Variants in IMMT observed in about 807,000 individuals in gnomAD.
The protein encoded by IMMT is MICOS complex subunit MIC60.
In IMMT, 40 loss-of-function variants were observed where a neutral mutation model predicts 92.7. The observed-to-expected ratio is 0.43, with a 90% CI of 0.34 to 0.56. The LOEUF (loss-of-function observed/expected upper bound fraction) is 0.56. Among genes scored for constraint, IMMT ranks in the 20% least tolerant of loss-of-function variants. The probability of loss-of-function intolerance (pLI) is 0.03; values close to 1 mark genes in which losing one functional copy is unlikely to be tolerated. For missense variants in IMMT, 831 were observed against 912.1 expected (o/e 0.91, Z 1.14); for synonymous variants, 322 against 336.1 (o/e 0.96, Z 0.46).
chr2:86,160,448 C>T (rs967152402), intron 8 of IMMT, among the ~76,000 whole-genome samples: 6 of 152,138 alleles, frequency 3.9e-5, no homozygotes, highest in South Asian at 2.1e-4. Context: ...GGAGCCCTCA[C>T]GATTCAGAAT....
chr2:86,188,466 G>A (rs961953323), intron 1 of IMMT, among the ~76,000 whole-genome samples: 11 of 151,862 alleles, frequency 7.2e-5, no homozygotes, highest in African/African-American at 1.5e-4. Context: ...CTCTGTCACC[G>A]AGACTGGAGT....
At chr2:86,164,047 T>C (rs918104662) in intron 7 of IMMT, among the ~76,000 whole-genome samples, 2 of 129,772 alleles carry the variant, frequency 1.5e-5, no homozygotes, top group African/African-American at 2.7e-5. Context: ...ATTCCCACTT[T>C]AGTCATTTTT....
chr2:86,173,210 T>C (rs1677219133), intron 4 of IMMT, among the ~76,000 whole-genome samples: 1 of 152,192 alleles, frequency 6.6e-6, no homozygotes, highest in South Asian at 2.1e-4. Flanking sequence ...GGGTGACTGG[T>C]AGTTTCTGAA....
Position 86,177,363 on chromosome 2 carries a change from G to A in IMMT, c.309+2070C>T, listed in dbSNP as rs1677498328. ...CACGCCTGTAATCCCAGCACTTTGG[G>A]AGGCTGAGGTGGGCGGATCACCTGA... On this transcript the variant is annotated intron_variant, in intron 3 of 14. Coordinates refer to ENST00000410111, the MANE Select transcript of IMMT (RefSeq NM_006839.3). 2.0e-5 allele frequency among the ~76,000 whole-genome samples: 3 copies of A among 152,104 alleles called. No individual in the cohort carries two copies. The South Asian group carries it at 6.2e-4, about 32-fold the overall frequency.
intron 7 of IMMT, among the ~76,000 whole-genome samples, chr2:86,163,544 A>G (rs1041331345): frequency 2.0e-5 from 3 of 152,194 alleles, no homozygotes; most frequent in East Asian, 1.9e-4. Flanking sequence ...TTAAATTTCA[A>G]TTTGAGGCTA....
At chr2:86,184,738 C>CA (rs60481149) in intron 1 of IMMT, among the ~76,000 whole-genome samples, 6,516 of 100,018 alleles carry the variant, frequency 0.065, 189 homozygotes, top group African/African-American at 0.11. Flanking sequence ...TAAAGAAAAG[C>CA]AAAAAAAAAA....
intron 1 of IMMT, among the ~76,000 whole-genome samples, chr2:86,188,804 A>G (rs973330574): frequency 1.6e-4 from 25 of 151,984 alleles, no homozygotes; most frequent in Non-Finnish European, 1.5e-5. Context: ...GAAACACCTC[A>G]TCAGATATGA....
At chr2:86,145,090 CATG>C (rs1674896633) in intron 14 of IMMT, among the ~76,000 whole-genome samples, 1 of 151,926 alleles carries the variant, frequency 6.6e-6, no homozygotes, top group Non-Finnish European at 1.5e-5. Flanking sequence ...TTCACATCTG[CATG>C]ATATCTAATC....
chr2:86,170,934 G>T (rs1324698833), intron 5 of IMMT, 90 bp from the exon 6 acceptor site: 3 of 993,794 alleles, frequency 3.0e-6, no homozygotes, highest in East Asian at 2.6e-5. Context: ...GTTTGTACTG[G>T]CCAGTTATAT....
Position 86,181,374 on chromosome 2 carries a change from TA to T in IMMT, c.46-3del. ...GACAAACTTCCCACAGAGACAACTCTAAAGAAGGAAAACACATCACAACCAA... is the reference window on the plus strand; with the variant it reads ...GACAAACTTCCCACAGAGACAACTCTAAGAAGGAAAACACATCACAACCAA... On this transcript the variant is annotated splice_region_variant and splice_polypyrimidine_tract_variant and intron_variant, in intron 1 of 14. Coordinates refer to ENST00000410111, the MANE Select transcript of IMMT (RefSeq NM_006839.3). The T allele has an allele frequency of 1.9e-6, 3 of 1,611,560 alleles. No homozygotes were observed. The highest frequency in any genetic ancestry group is 2.5e-6 in the Non-Finnish European group (3 of 1,177,882).
At chr2:86,172,075 C>T (rs1186341071) in intron 4 of IMMT, among the ~76,000 whole-genome samples, 1 of 151,152 alleles carries the variant, frequency 6.6e-6, no homozygotes, top group Non-Finnish European at 1.5e-5. Flanking sequence ...AAGCAATACT[C>T]CCACCTCAGC....
intron 1 of IMMT, among the ~76,000 whole-genome samples, chr2:86,187,708 C>T (rs1034343480): frequency 6.6e-6 from 1 of 151,908 alleles, no homozygotes; most frequent in Non-Finnish European, 1.5e-5. Flanking sequence ...GTTGGGAATT[C>T]GAGACCAGCC....
At chr2:86,166,096 C>T (rs1234921852) in intron 7 of IMMT, among the ~76,000 whole-genome samples, 1 of 152,212 alleles carries the variant, frequency 6.6e-6, no homozygotes, top group African/African-American at 2.4e-5. Context: ...TTTTGGGAGG[C>T]CGAGGCAGGC....
At chr2:86,195,212 C>T in intron 1 of IMMT, 126 bp downstream of exon 1, 2 of 1,065,254 alleles carry the variant, frequency 1.9e-6, no homozygotes, top group Non-Finnish European at 2.6e-6. Flanking sequence ...CCGGGCCTCT[C>T]CCGACGAGGG....
chr2:86,192,480 C>T (rs1424304376), intron 1 of IMMT, among the ~76,000 whole-genome samples: 1 of 152,092 alleles, frequency 6.6e-6, no homozygotes, highest in Non-Finnish European at 1.5e-5. Context: ...TTCATGAACA[C>T]ATTCATTCTT....
intron 1 of IMMT, among the ~76,000 whole-genome samples, chr2:86,187,311 A>G (rs1367067934): frequency 6.6e-6 from 1 of 152,234 alleles, no homozygotes; most frequent in Non-Finnish European, 1.5e-5. Context: ...CACAATGTAC[A>G]TCTTTTTGTC....
At chr2:86,159,733 A>C (rs1676131803) in intron 8 of IMMT, 62 bp from the exon 9 acceptor site, 5 of 1,379,448 alleles carry the variant, frequency 3.6e-6, no homozygotes, top group Non-Finnish European at 4.9e-6. Context: ...AAAAGTTTTG[A>C]TGTCAGCACA....
intron 6 of IMMT, among the ~76,000 whole-genome samples, chr2:86,167,532 T>C (rs1158278033): frequency 7.2e-6 from 1 of 137,946 alleles, no homozygotes; most frequent in Non-Finnish European, 1.5e-5. Flanking sequence ...TCGCCCAGGC[T>C]AGAGTGCAGT....
At position 86,179,159 on chromosome 2, in the gene IMMT, G is replaced by A. The variant is rs578061878; in HGVS notation, c.309+274C>T. Among the ~76,000 whole-genome samples the A allele has an allele frequency of 4.3e-4, 65 of 152,222 alleles. 1 individual carries two copies. The highest frequency in any genetic ancestry group is 3.0e-3 in the Admixed American group (46 of 15,296). On this transcript the variant is annotated intron_variant, in intron 3 of 14. Coordinates refer to ENST00000410111, the MANE Select transcript of IMMT (RefSeq NM_006839.3). The stretch of plus-strand genomic sequence containing the variant: ...TTGTCATCATTCCCTAAATAACACA[G>A]TATAATGAAAATTTAGACAGCATTT...
Sources: allele counts gnomAD v4.1 joint callset (sites outside exome capture counted in the v4.1 genomes callset), GRCh38; gene constraint gnomAD v4.1.1; transcripts MANE v1.5; gene names NCBI Gene and HGNC (gene_info 2026-07-23, HGNC 2026-07-21).